TRMT2B: variants seen among roughly 807,000 people sequenced by gnomAD.
The protein encoded by TRMT2B is tRNA (uracil-5-)-methyltransferase homolog B.
Under a neutral mutation model 39.7 loss-of-function variants are expected in TRMT2B, and 34 were observed. That is an observed-to-expected ratio of 0.86 (90% CI 0.65 to 1.14). The LOEUF (loss-of-function observed/expected upper bound fraction) is 1.14. Ranked by LOEUF, TRMT2B falls within the 50% of genes most tolerant of loss-of-function variation. The pLI, the probability that TRMT2B is intolerant of heterozygous loss-of-function variation, is 0.00. For missense variants in TRMT2B, 318 were observed against 377.2 expected, an observed-to-expected ratio of 0.84 and a Z score of 1.30; for synonymous variants, 132 against 137.3, an observed-to-expected ratio of 0.96 and a Z score of 0.27.
chrX:101,023,724 T>C, intron 7 of TRMT2B, 108 bp from the exon 8 acceptor site: 1 of 781,230 alleles, frequency 1.3e-6, no homozygotes, highest in Non-Finnish European at 1.8e-6. Context: ...AAAATTCCTA[T>C]GTTGAAGCCT....
chrX:101,026,090 A>G (rs1018746138), intron 7 of TRMT2B, among the ~76,000 whole-genome samples: 1 of 110,670 alleles, frequency 9.0e-6, no homozygotes, highest in African/African-American at 3.3e-5. Context: ...AGAAAGAAAA[A>G]AAGAGAGGAA....
the TRMT2B span, among the ~76,000 whole-genome samples, chrX:100,978,574 A>C: frequency 1.8e-5 from 2 of 109,401 alleles, no homozygotes; most frequent in Non-Finnish European, 3.8e-5. Context: ...CTTTCAGTCT[A>C]TATGTGTCTT....
chrX:100,993,303 T>G, the TRMT2B span, among the ~76,000 whole-genome samples: 1 of 112,113 alleles, frequency 8.9e-6, no homozygotes, highest in East Asian at 2.8e-4. Context: ...TCCCTGGGTC[T>G]TCTTTGGCCT....
At chrX:101,039,981 T>C (rs1249417258) in intron 4 of TRMT2B, among the ~76,000 whole-genome samples, 9 of 110,391 alleles carry the variant, frequency 8.2e-5, no homozygotes, top group African/African-American at 3.0e-4. Context: ...AGTTTACTTA[T>C]GGAAGTGGGT....
chrX:100,994,224 G>A, the TRMT2B span, among the ~76,000 whole-genome samples: 1 of 111,945 alleles, frequency 8.9e-6, no homozygotes, highest in Non-Finnish European at 1.9e-5. Flanking sequence ...CTTTCTCAGT[G>A]GGGCAGCCCA....
At chrX:100,996,730 T>C in the TRMT2B span, among the ~76,000 whole-genome samples, 1 of 109,531 alleles carries the variant, frequency 9.1e-6, no homozygotes, top group African/African-American at 3.3e-5. Context: ...CTGGGCAACA[T>C]AGCGAGACCT....
At chrX:101,016,891 C>G (rs757901308) in intron 13 of TRMT2B, among the ~76,000 whole-genome samples, 1 of 111,081 alleles carries the variant, frequency 9.0e-6, no homozygotes, top group Admixed American at 9.6e-5. Flanking sequence ...TTCTTCCTAT[C>G]GGGCCGGGTA....
intron 2 of TRMT2B, among the ~76,000 whole-genome samples, chrX:101,048,111 CAT>C (rs745744511): frequency 1.6e-5 from 1 of 61,397 alleles, no homozygotes; most frequent in Non-Finnish European, 2.8e-5. Flanking sequence ...CATTTATACA[CAT>C]ACACACACAC....
chrX:101,020,323 A>T (rs2086733998), intron 11 of TRMT2B, among the ~76,000 whole-genome samples, 164 bp downstream of exon 11: 1 of 111,525 alleles, frequency 9.0e-6, no homozygotes, highest in Non-Finnish European at 1.9e-5. Flanking sequence ...TATTCCAGAA[A>T]ACCATGAGGA....
rs2086676582 is a variant in TRMT2B, at chrX:101,019,267, T to C, written c.1288+17A>G. On this transcript the variant is annotated intron_variant, in intron 12 of 13. Coordinates refer to ENST00000372936, the MANE Select transcript of TRMT2B (RefSeq NM_024917.6). Reference sequence around the variant, plus strand: ...ATGGACAATACTGGGAACATCAAAATAGCTGTTCATCCTTACGCAGTCCGG... The same window carrying C: ...ATGGACAATACTGGGAACATCAAAACAGCTGTTCATCCTTACGCAGTCCGG... 2.5e-6 allele frequency: 3 copies of C among 1,209,487 alleles called. No homozygotes were observed. Among genetic ancestry groups the C allele is most frequent in the South Asian group, 1.8e-5 (1 of 56,756 alleles).
At chrX:101,014,362 G>A (rs1347802999) in intron 13 of TRMT2B, among the ~76,000 whole-genome samples, 6 of 110,029 alleles carry the variant, frequency 5.5e-5, no homozygotes, top group Non-Finnish European at 1.1e-4. Flanking sequence ...TTTAGAGATG[G>A]GGTCTTACTC....
chrX:100,985,887 TAA>T, the TRMT2B span: 2 of 1,208,388 alleles, frequency 1.7e-6, no homozygotes, highest in Non-Finnish European at 2.2e-6. Context: ...TGCTGTCCGA[TAA>T]AAGAGTGGCA....
rs1444855174 is a variant in TRMT2B at position 101,009,356 on chromosome X, T to A, written c.*1225A>T. The A allele has an allele frequency of 9.1e-6, 1 of 110,257 alleles. No individual in the cohort carries two copies. Among genetic ancestry groups the A allele is most frequent in the East Asian group, 2.8e-4 (1 of 3,510 alleles). 9.1% of individuals were successfully genotyped at this position (110,257 alleles called of 1,213,427 possible). A position where few individuals can be genotyped will look rare whatever the true frequency, so the allele number is the denominator to read the frequency against. On this transcript the variant is annotated 3_prime_UTR_variant, in exon 14 of 14. Transcript: ENST00000372936. ...TAGAGAATGTTAAATACAGTCAGTT[T>A]TCAATATCCAGTTTATTATGTTATA...
chrX:101,044,412 A>G (rs1006628893), intron 2 of TRMT2B, among the ~76,000 whole-genome samples: 1 of 111,792 alleles, frequency 8.9e-6, no homozygotes, highest in African/African-American at 3.2e-5. Context: ...TATAAGAAAT[A>G]CAAGCTGTAA....
chrX:100,986,539 T>C, the TRMT2B span, among the ~76,000 whole-genome samples: 2 of 112,217 alleles, frequency 1.8e-5, no homozygotes, highest in Non-Finnish European at 1.9e-5. Flanking sequence ...GATAGCATAA[T>C]GTAGGGGAAG....
At chrX:101,012,996 A>G (rs1455631299) in intron 13 of TRMT2B, among the ~76,000 whole-genome samples, 6 of 110,204 alleles carry the variant, frequency 5.4e-5, no homozygotes, top group East Asian at 2.9e-4. Flanking sequence ...TAATTTTTCT[A>G]TTTTAGTAGA....
At chrX:101,049,870 A>T (rs2088951828) in intron 2 of TRMT2B, among the ~76,000 whole-genome samples, 2 of 111,272 alleles carry the variant, frequency 1.8e-5, no homozygotes, top group Admixed American at 9.6e-5. Context: ...AAATGAATGA[A>T]GAGGCAAGAG....
the TRMT2B span, among the ~76,000 whole-genome samples, chrX:100,981,924 G>A: frequency 9.2e-6 from 1 of 108,726 alleles, no homozygotes; most frequent in East Asian, 2.9e-4. Context: ...TTCCTGCAGG[G>A]GTGACCATCA....
At chrX:101,017,693 G>A (rs1336065230) in intron 13 of TRMT2B, among the ~76,000 whole-genome samples, 1 of 111,650 alleles carries the variant, frequency 9.0e-6, no homozygotes, top group South Asian at 3.7e-4. Context: ...AAATTTAATA[G>A]GGTGCCAAAA....
Sources: gnomAD v4.1 joint callset for allele counts (sites outside exome capture counted in the v4.1 genomes callset) on GRCh38, gnomAD v4.1.1 for gene constraint, MANE v1.5 for transcripts, NCBI Gene and HGNC (gene_info 2026-07-23, HGNC 2026-07-21) for gene names.